TBC1D5: variants seen among roughly 807,000 people sequenced by gnomAD.
The protein encoded by TBC1D5 is TBC1 domain family, member 5.
Under a neutral mutation model 100.3 loss-of-function variants are expected in TBC1D5, and 75 were observed. The ratio of observed to expected loss-of-function variants is 0.75; its 90% CI spans 0.62 to 0.91. TBC1D5 has a LOEUF of 0.91. Ranked by LOEUF, TBC1D5 falls within the 40% of genes least tolerant of loss-of-function variation. The probability of loss-of-function intolerance (pLI) is 0.00; values close to 1 mark genes in which losing one functional copy is unlikely to be tolerated. For synonymous variants in TBC1D5, 323 were observed against 325.6 expected, an observed-to-expected ratio of 0.99 and a Z score of 0.09; for missense variants, 910 against 942.4, an observed-to-expected ratio of 0.97 and a Z score of 0.45.
At chr3:17,455,182 A>G (rs993298140) in intron 3 of TBC1D5, among the ~76,000 whole-genome samples, 2 of 128,126 alleles carry the variant, frequency 1.6e-5, no homozygotes, top group East Asian at 2.1e-4. Context: ...ACACACACAC[A>G]CGTGTGTGTG....
At chr3:17,331,932 T>C (rs577546359) in intron 13 of TBC1D5, among the ~76,000 whole-genome samples, 2 of 152,208 alleles carry the variant, frequency 1.3e-5, no homozygotes, top group Admixed American at 6.5e-5. Context: ...CCAGGGCCCA[T>C]GTAGGGCCTT....
At chr3:17,653,620 A>C (rs2065793683) in intron 1 of TBC1D5, among the ~76,000 whole-genome samples, 1 of 152,190 alleles carries the variant, frequency 6.6e-6, no homozygotes, top group South Asian at 2.1e-4. Flanking sequence ...AGATTTCTAG[A>C]TTAGATCCTG....
chr3:17,454,749 C>T (rs1345800803), intron 3 of TBC1D5, among the ~76,000 whole-genome samples: 2 of 152,024 alleles, frequency 1.3e-5, no homozygotes, highest in Non-Finnish European at 2.9e-5. Flanking sequence ...CATGAGCCAC[C>T]GTGGCCCAGT....
chr3:17,354,066 T>C (rs2090943056), intron 13 of TBC1D5, among the ~76,000 whole-genome samples: 1 of 152,052 alleles, frequency 6.6e-6, no homozygotes. Flanking sequence ...ACACGGTATG[T>C]AGTGGTTAAG....
chr3:17,496,282 C>A (rs2095706217), intron 3 of TBC1D5, among the ~76,000 whole-genome samples: 1 of 151,974 alleles, frequency 6.6e-6, no homozygotes, highest in East Asian at 1.9e-4. Context: ...TCCAAGTGAC[C>A]CTAATTGTAT....
chr3:17,233,061 A>T (rs913324925), intron 17 of TBC1D5, among the ~76,000 whole-genome samples: 1 of 152,204 alleles, frequency 6.6e-6, no homozygotes, highest in Non-Finnish European at 1.5e-5. Flanking sequence ...CATAGGAGGT[A>T]GATGATCACT....
intron 17 of TBC1D5, among the ~76,000 whole-genome samples, chr3:17,228,276 G>C (rs2075105084): frequency 6.6e-6 from 1 of 152,138 alleles, no homozygotes. Context: ...GTACGGCCTT[G>C]AACAAGTCAC....
intron 3 of TBC1D5, among the ~76,000 whole-genome samples, chr3:17,443,871 A>C (rs578175450): frequency 9.2e-5 from 14 of 152,346 alleles, no homozygotes; most frequent in African/African-American, 3.1e-4. Flanking sequence ...CTGAAGAACA[A>C]AGAAAAACAA....
chr3:17,593,263 A>G (rs1190870993), intron 2 of TBC1D5, among the ~76,000 whole-genome samples: 1 of 151,996 alleles, frequency 6.6e-6, no homozygotes, highest in Non-Finnish European at 1.5e-5. Context: ...TGTGGACAAC[A>G]CTCAGCCTCT....
At chr3:17,304,766 G>A (rs2083227698) in intron 14 of TBC1D5, among the ~76,000 whole-genome samples, 1 of 152,060 alleles carries the variant, frequency 6.6e-6, no homozygotes, top group African/African-American at 2.4e-5. Context: ...CTTGAAGTAG[G>A]AACTCAGACT....
chr3:17,611,429 C>T (rs1315908675), intron 2 of TBC1D5, among the ~76,000 whole-genome samples: 5 of 151,754 alleles, frequency 3.3e-5, no homozygotes, highest in East Asian at 1.9e-4. Flanking sequence ...TAGAACATGC[C>T]GATGTTAGAA....
intron 2 of TBC1D5, among the ~76,000 whole-genome samples, chr3:17,566,083 C>T (rs2096591722): frequency 6.6e-6 from 1 of 151,660 alleles, no homozygotes; most frequent in Non-Finnish European, 1.5e-5. Flanking sequence ...CTGAACAAAT[C>T]AAACAGTTTT....
At chr3:17,196,670 T>A (rs764723829) in intron 18 of TBC1D5, among the ~76,000 whole-genome samples, 5 of 152,220 alleles carry the variant, frequency 3.3e-5, no homozygotes, top group Non-Finnish European at 7.3e-5. Context: ...ATACTTTGGG[T>A]ATATGTTGAC....
rs144958222 is a variant in TBC1D5 at position 17,294,792 on chromosome 3, C to T, written c.1139-2791G>A. 7.2e-5 allele frequency among the ~76,000 whole-genome samples: 11 copies of T among 152,300 alleles called. No individual in the cohort carries two copies. In the East Asian group the frequency reaches 1.9e-3, roughly 27 times the overall value. On this transcript the variant is annotated intron_variant, in intron 14 of 21. Coordinates refer to ENST00000253692, the Ensembl canonical transcript of TBC1D5. ...GTATCTCTAATTTGCTAATGAAAAT[C>T]CACACTTTTAGAAATACCCTTAATT... is the stretch of plus-strand genomic sequence containing the variant.
At chr3:17,532,877 G>C (rs919686548) in intron 2 of TBC1D5, among the ~76,000 whole-genome samples, 4 of 151,578 alleles carry the variant, frequency 2.6e-5, no homozygotes, top group African/African-American at 7.3e-5. Context: ...AGGAGATATA[G>C]CGAATACTAA....
At chr3:17,657,325 C>A (rs1216387491) in intron 1 of TBC1D5, among the ~76,000 whole-genome samples, 2 of 136,996 alleles carry the variant, frequency 1.5e-5, no homozygotes, top group East Asian at 4.8e-4. Context: ...TGGACAAATT[C>A]TTTCTTTTTT....
At chr3:17,613,991 G>T (rs1577025675) in intron 2 of TBC1D5, among the ~76,000 whole-genome samples, 1 of 152,262 alleles carries the variant, frequency 6.6e-6, no homozygotes, top group East Asian at 1.9e-4. Context: ...TATTCCCTAG[G>T]TTTTTTCTAG....
At chr3:17,291,768 A>T in intron 15 of TBC1D5, 127 bp downstream of exon 15, 1 of 830,654 alleles carries the variant, frequency 1.2e-6, no homozygotes, top group Non-Finnish European at 1.8e-6. Flanking sequence ...AACTTTAGGC[A>T]AATGCTACCA....
chr3:17,178,858 T>G (rs1289777974), intron 19 of TBC1D5, among the ~76,000 whole-genome samples: 3 of 152,098 alleles, frequency 2.0e-5, no homozygotes, highest in Non-Finnish European at 4.4e-5. Flanking sequence ...TTATCTAGAC[T>G]GGTCTTGAAC....
Sources: allele counts gnomAD v4.1 joint callset (sites outside exome capture counted in the v4.1 genomes callset), GRCh38; gene constraint gnomAD v4.1.1; transcripts MANE v1.5; gene names NCBI Gene and HGNC (gene_info 2026-07-23, HGNC 2026-07-21).